The following RBFOX1 variants were observed in gnomAD, a reference collection of about 807,000 sequenced individuals.
The protein encoded by RBFOX1 is RNA binding fox-1 homolog 1.
In RBFOX1, 8 loss-of-function variants were observed where a neutral mutation model predicts 57.7. The observed-to-expected ratio is 0.14, with a 90% CI of 0.08 to 0.25. The LOEUF is 0.25. Ranked by LOEUF, RBFOX1 falls within the 10% of genes least tolerant of loss-of-function variation. RBFOX1 has a pLI of 1.00. For synonymous variants in RBFOX1, 326 were observed against 222.4 expected (o/e 1.47, Z -4.15); for missense variants, 611 against 548.5 (o/e 1.11, Z -1.14).
In RBFOX1 at chr16:7,279,219, G is replaced by C. The variant is rs117441092; in HGVS notation, c.27+227121G>C. 2.6e-5 allele frequency among the ~76,000 whole-genome samples: 4 copies of C among 151,844 alleles called. No homozygotes were observed. The South Asian group carries it at 8.3e-4, about 32-fold the overall frequency. Reference sequence around the variant, plus strand: ...TCTGACTTACACAGAGGAAGCTTCAGTGTAATAGAAATAAATGCTGCATTT... The same window carrying C: ...TCTGACTTACACAGAGGAAGCTTCACTGTAATAGAAATAAATGCTGCATTT... On this transcript the variant is annotated intron_variant, in intron 4 of 15. Coordinates refer to ENST00000550418, the MANE Select transcript of RBFOX1 (RefSeq NM_018723.4).
chr16:6,557,095 A>C (rs966047326), intron 2 of RBFOX1, among the ~76,000 whole-genome samples: 1 of 145,832 alleles, frequency 6.9e-6, no homozygotes, highest in Non-Finnish European at 1.5e-5. Flanking sequence ...ATACATATAC[A>C]TATATACATA....
In RBFOX1 at chr16:7,477,262, C is replaced by A. The variant is rs142242552; in HGVS notation, c.28-40885C>A. Among the ~76,000 whole-genome samples the A allele has an allele frequency of 2.4e-3, 359 of 152,192 alleles. 2 individuals are homozygous for A. The highest frequency in any genetic ancestry group is 7.9e-3 in the African/African-American group (328 of 41,526). On this transcript the variant is annotated intron_variant, in intron 4 of 15. Coordinates refer to ENST00000550418, the MANE Select transcript of RBFOX1 (RefSeq NM_018723.4). ...ATCGATGCAAATATGGTTCATCCAC[C>A]GGCAATGAGACACAGGCTTATTATT...
At chr16:6,855,176 A>C (rs144777238) in intron 3 of RBFOX1, among the ~76,000 whole-genome samples, 2 of 152,070 alleles carry the variant, frequency 1.3e-5, no homozygotes, top group Non-Finnish European at 2.9e-5. Context: ...TCTGGTGAGC[A>C]TGATATCCCC....
chr16:6,769,263 G>A (rs1437231485), intron 3 of RBFOX1, among the ~76,000 whole-genome samples: 1 of 152,196 alleles, frequency 6.6e-6, no homozygotes, highest in Non-Finnish European at 1.5e-5. Flanking sequence ...ATCGATGTAA[G>A]ATGAGACTTG....
intron 2 of RBFOX1, among the ~76,000 whole-genome samples, chr16:6,628,555 T>G (rs1396157618): frequency 6.6e-6 from 1 of 152,202 alleles, no homozygotes; most frequent in African/African-American, 2.4e-5. Context: ...CCAATCCACC[T>G]CATTTTGTTT....
chr16:6,961,003 G>A (rs2153546610), intron 3 of RBFOX1, among the ~76,000 whole-genome samples: 1 of 149,678 alleles, frequency 6.7e-6, no homozygotes, highest in East Asian at 2.0e-4. Context: ...AATTAGCTGG[G>A]CATGGTGGCC....
intron 1 of RBFOX1, among the ~76,000 whole-genome samples, chr16:6,225,835 A>G (rs1378287256): frequency 2.6e-5 from 4 of 152,244 alleles, no homozygotes; most frequent in Admixed American, 2.6e-4. Context: ...AGTGTGCAAC[A>G]TCTTTACAAA....
intron 4 of RBFOX1, among the ~76,000 whole-genome samples, chr16:7,245,217 A>C (rs2094241562): frequency 6.6e-6 from 1 of 152,222 alleles, no homozygotes; most frequent in African/African-American, 2.4e-5. Context: ...ATTTCATTTG[A>C]AAAATATTTC....
At chr16:6,827,922 AG>A (rs1465264085) in intron 3 of RBFOX1, among the ~76,000 whole-genome samples, 1 of 152,188 alleles carries the variant, frequency 6.6e-6, no homozygotes, top group Non-Finnish European at 1.5e-5. Flanking sequence ...TACATTTGTA[AG>A]CAGTTTTGAT....
intron 3 of RBFOX1, among the ~76,000 whole-genome samples, chr16:6,850,824 G>A (rs976857193): frequency 6.6e-6 from 1 of 152,156 alleles, no homozygotes; most frequent in African/African-American, 2.4e-5. Flanking sequence ...TCATTTTCTT[G>A]TAGAACTAAG....
At chr16:5,319,166 A>G (rs1371528516) in intron 1 of RBFOX1, among the ~76,000 whole-genome samples, 2 of 151,162 alleles carry the variant, frequency 1.3e-5, no homozygotes, top group African/African-American at 2.5e-5. Context: ...AACATAAAAA[A>G]CCAGAGAGTT....
At position 7,045,000 on chromosome 16, in the gene RBFOX1, G is replaced by A. The variant is rs75779060; in HGVS notation, c.-15-7057G>A. On this transcript the variant is annotated intron_variant, in intron 3 of 15. Coordinates refer to ENST00000550418, the MANE Select transcript of RBFOX1 (RefSeq NM_018723.4). Reference sequence around the variant, plus strand: ...CTGTTTGATGAGCAAGGTTGCAGCCGAAACACACAACTCATGATGGGATTC... The same window carrying A: ...CTGTTTGATGAGCAAGGTTGCAGCCAAAACACACAACTCATGATGGGATTC... Among the ~76,000 whole-genome samples, 36 of 152,270 alleles carry A rather than the reference G, an allele frequency of 2.4e-4. No homozygotes were observed. In the East Asian group the frequency reaches 5.6e-3, roughly 24 times the overall value.
chr16:7,475,508 G>A (rs1456264610), intron 4 of RBFOX1, among the ~76,000 whole-genome samples: 5 of 151,996 alleles, frequency 3.3e-5, no homozygotes, highest in East Asian at 1.9e-4. Flanking sequence ...TAGAGACGGC[G>A]TTTCACCGTG....
At chr16:7,051,487 C>G (rs2050059173) in intron 3 of RBFOX1, among the ~76,000 whole-genome samples, 1 of 152,218 alleles carries the variant, frequency 6.6e-6, no homozygotes, top group Non-Finnish European at 1.5e-5. Flanking sequence ...AGAAACCTAT[C>G]AGGATCTCTT....
intron 1 of RBFOX1, among the ~76,000 whole-genome samples, chr16:6,045,162 A>G (rs1181154741): frequency 1.3e-5 from 2 of 152,204 alleles, no homozygotes; most frequent in Non-Finnish European, 2.9e-5. Context: ...TAAAATGCAG[A>G]TGCTGATTCA....
At chr16:5,592,976 TG>T (rs1465305068) in intron 2 of RBFOX1, among the ~76,000 whole-genome samples, 2 of 152,188 alleles carry the variant, frequency 1.3e-5, no homozygotes, top group Non-Finnish European at 2.9e-5. Flanking sequence ...CCTACTGAGC[TG>T]TGTTCCCAGA....
intron 4 of RBFOX1, among the ~76,000 whole-genome samples, chr16:5,884,863 C>T (rs370430582): frequency 1.4e-4 from 21 of 152,044 alleles, no homozygotes; most frequent in Non-Finnish European, 2.4e-4. Flanking sequence ...AAGTGTGGCA[C>T]GAGCTTGGAG....
At chr16:5,876,386 CA>C (rs1302578454) in intron 4 of RBFOX1, among the ~76,000 whole-genome samples, 1 of 152,146 alleles carries the variant, frequency 6.6e-6, no homozygotes, top group Non-Finnish European at 1.5e-5. Flanking sequence ...AAATGAGTCA[CA>C]AATGTAATAG....
intron 2 of RBFOX1, among the ~76,000 whole-genome samples, chr16:6,548,864 T>A (rs1044222707): frequency 2.0e-5 from 3 of 151,608 alleles, no homozygotes; most frequent in Non-Finnish European, 2.9e-5. Context: ...TCACTTGAGG[T>A]CAGGAGTTGG....
Sources: allele counts gnomAD v4.1 joint callset (sites outside exome capture counted in the v4.1 genomes callset), GRCh38; gene constraint gnomAD v4.1.1; transcripts MANE v1.5; gene names NCBI Gene and HGNC (gene_info 2026-07-23, HGNC 2026-07-21).